KCNQ1OT1: variants seen among roughly 807,000 people sequenced by gnomAD.
KCNQ1OT1 encodes the protein KCNQ1 opposite strand/antisense transcript 1, also known as KCNQ1 antisense RNA 2 (non-protein coding).
rs1430393587 is a variant in KCNQ1OT1 at position 2,663,941 on chromosome 11, G to A, written n.36054C>T. 2 of 398,570 alleles carry A rather than the reference G, an allele frequency of 5.0e-6. No homozygotes were observed. Among genetic ancestry groups the A allele is most frequent in the Non-Finnish European group, 8.8e-6 (2 of 226,110 alleles). The allele number at this position is 398,570 out of a possible 1,614,324, so 24.7% of individuals were successfully genotyped here. ...CTGGGCTGTTTCTTGTTCCACTCCA[G>A]GATGACAGGGCCTGAGAGACCTGAA... is the stretch of plus-strand genomic sequence containing the variant. On this transcript the variant is annotated non_coding_transcript_exon_variant, in exon 1 of 1. Coordinates refer to ENST00000597346, the Ensembl canonical transcript of KCNQ1OT1. This position sits in a 1 kb window ranked among gnomAD's most constrained non-coding sequence, Gnocchi z 5.2.
In KCNQ1OT1 at chr11:2,626,172, T is replaced by C. The variant is rs1589989354; in HGVS notation, n.73823A>G. 2 of 398,602 alleles carry C rather than the reference T, an allele frequency of 5.0e-6. No individual in the cohort carries two copies. Among genetic ancestry groups the C allele is most frequent in the East Asian group, 7.1e-5 (2 of 28,062 alleles). 24.7% of individuals were successfully genotyped at this position (398,602 alleles called of 1,614,324 possible). On this transcript the variant is annotated non_coding_transcript_exon_variant, in exon 1 of 1. Coordinates refer to ENST00000597346, the Ensembl canonical transcript of KCNQ1OT1. The surrounding 1 kb of genome is among the most constrained non-coding windows in gnomAD (Gnocchi z 4.0). ...TGTAAAGTTTTTCCCCTATGTTTCCTTATAAGACTTCATAGTTTTAGGACT... is the reference window on the plus strand; with the variant it reads ...TGTAAAGTTTTTCCCCTATGTTTCCCTATAAGACTTCATAGTTTTAGGACT...
rs1031246786 is a variant in KCNQ1OT1 at position 2,651,912 on chromosome 11, G to A, written n.48083C>T. On this transcript the variant is annotated non_coding_transcript_exon_variant, in exon 1 of 1. Coordinates refer to ENST00000597346, the Ensembl canonical transcript of KCNQ1OT1. This position sits in a 1 kb window ranked among gnomAD's most constrained non-coding sequence, Gnocchi z 6.1. ...CATAGCCGAGGGTCCCTCTGGGGCC[G>A]CTTGCTCTCCTCCTACTCACAGCCC... 12 of 398,636 alleles carry A rather than the reference G, an allele frequency of 3.0e-5. No homozygotes were observed. Among genetic ancestry groups the A allele is most frequent in the South Asian group, 1.3e-4 (1 of 7,864 alleles). The allele number at this position is 398,636 out of a possible 1,614,324, so 24.7% of individuals were successfully genotyped here.
Position 2,682,868 on chromosome 11 carries a change from G to A in KCNQ1OT1, n.17127C>T, listed in dbSNP as rs1285269985. ...TCTCAGTTTTGTAGACCAGGAAACT[G>A]AGGCTTGGGGATAGCAGATGTTCCC... is the stretch of plus-strand genomic sequence containing the variant. On this transcript the variant is annotated non_coding_transcript_exon_variant, in exon 1 of 1. Transcript: ENST00000597346. The surrounding 1 kb of genome is among the most constrained non-coding windows in gnomAD (Gnocchi z 5.8). 1 of 398,508 alleles carries A rather than the reference G, an allele frequency of 2.5e-6. No homozygotes were observed. The highest frequency in any genetic ancestry group is 3.6e-5 in the East Asian group (1 of 28,088). 24.7% of individuals were successfully genotyped at this position (398,508 alleles called of 1,614,324 possible). A position where few individuals can be genotyped will look rare whatever the true frequency, so the allele number is the denominator to read the frequency against.
chr11:2,681,646 C>G (rs1850400242), exon 1 of KCNQ1OT1: 1 of 396,572 alleles, frequency 2.5e-6, no homozygotes, highest in East Asian at 3.6e-5. Flanking sequence ...CTATCTCTCC[C>G]TCTCTCAGGA....
chr11:2,617,663 A>C lies in KCNQ1OT1; in HGVS notation n.82332T>G. The C allele has an allele frequency of 2.5e-6, 1 of 398,458 alleles. No individual in the cohort carries two copies. Among genetic ancestry groups the C allele is most frequent in the Non-Finnish European group, 4.4e-6 (1 of 225,980 alleles). 24.7% of individuals were successfully genotyped at this position (398,458 alleles called of 1,614,324 possible). A position where few individuals can be genotyped will look rare whatever the true frequency, so the allele number is the denominator to read the frequency against. On this transcript the variant is annotated non_coding_transcript_exon_variant, in exon 1 of 1. Coordinates refer to ENST00000597346, the Ensembl canonical transcript of KCNQ1OT1. The surrounding 1 kb of genome is among the most constrained non-coding windows in gnomAD (Gnocchi z 4.6). ...TCTGTTTTTCATTATGACTGCACCA[A>C]TCTACAGTCCCACCAACACTGTACA... is the stretch of plus-strand genomic sequence containing the variant.
Position 2,671,155 on chromosome 11 carries a change from A to G in KCNQ1OT1, n.28840T>C, listed in dbSNP as rs893527529. The stretch of plus-strand genomic sequence containing the variant: ...GGTCCCATGGGAGGCCTGAGGTGCC[A>G]TCTTAGAAATAGGGCCTTGTTAGGA... On this transcript the variant is annotated non_coding_transcript_exon_variant, in exon 1 of 1. Transcript: ENST00000597346. The surrounding 1 kb of genome is among the most constrained non-coding windows in gnomAD (Gnocchi z 4.7). The G allele has an allele frequency of 2.4e-4, 97 of 398,678 alleles. No individual in the cohort carries two copies. The highest frequency in any genetic ancestry group is 1.7e-4 in the Non-Finnish European group (39 of 226,096). The allele number at this position is 398,678 out of a possible 1,614,324, so 24.7% of individuals were successfully genotyped here.
At chr11:2,635,093 A>G (rs190284949) in exon 1 of KCNQ1OT1, 3 of 152,326 alleles carry the variant, frequency 2.0e-5, no homozygotes, top group Admixed American at 1.3e-4. Flanking sequence ...CTTTTATCAG[A>G]TGAGTAGATT....
chr11:2,654,163 C>A lies in KCNQ1OT1; in HGVS notation n.45832G>T. The A allele has an allele frequency of 2.5e-6, 1 of 398,510 alleles. No individual in the cohort carries two copies. The highest frequency in any genetic ancestry group is 4.4e-6 in the Non-Finnish European group (1 of 225,964). 24.7% of individuals were successfully genotyped at this position (398,510 alleles called of 1,614,324 possible). On this transcript the variant is annotated non_coding_transcript_exon_variant, in exon 1 of 1. Coordinates refer to ENST00000597346, the Ensembl canonical transcript of KCNQ1OT1. This position sits in a 1 kb window ranked among gnomAD's most constrained non-coding sequence, Gnocchi z 6.4. ...TCAGGGTCTATGAGCCGGGCATGGG[C>A]AGCTGGCACAGGCTGTGGGGCTGCG...
rs895594771 is a variant in KCNQ1OT1, at chr11:2,687,972, G to T, written n.12023C>A. 2.5e-6 allele frequency: 1 copy of T among 398,776 alleles called. No individual in the cohort carries two copies. The highest frequency in any genetic ancestry group is 4.4e-6 in the Non-Finnish European group (1 of 226,182). The allele number at this position is 398,776 out of a possible 1,614,324, so 24.7% of individuals were successfully genotyped here. On this transcript the variant is annotated non_coding_transcript_exon_variant, in exon 1 of 1. Coordinates refer to ENST00000597346, the Ensembl canonical transcript of KCNQ1OT1. This position sits in a 1 kb window ranked among gnomAD's most constrained non-coding sequence, Gnocchi z 5.0. ...TGGGTCAGCCAGGCCGCTGCTTCCT[G>T]CTTCCCTTTGATGTCTCCTCGTGCG...
rs1420801670 is a variant in KCNQ1OT1, at chr11:2,626,569, C to T, written n.73426G>A. ...TTTTTCAGACATTCTTACTCTGTTG[C>T]CCACGCTGGAGTACAGTGGCATTAT... On this transcript the variant is annotated non_coding_transcript_exon_variant, in exon 1 of 1. Transcript: ENST00000597346. This position sits in a 1 kb window ranked among gnomAD's most constrained non-coding sequence, Gnocchi z 4.0. The T allele has an allele frequency of 2.0e-5, 8 of 398,456 alleles. No homozygotes were observed. The highest frequency in any genetic ancestry group is 4.1e-5 in the African/African-American group (2 of 48,608). 24.7% of individuals were successfully genotyped at this position (398,456 alleles called of 1,614,324 possible).
Position 2,682,946 on chromosome 11 carries a change from G to T in KCNQ1OT1, n.17049C>A. 2 of 398,570 alleles carry T rather than the reference G, an allele frequency of 5.0e-6. No homozygotes were observed. The highest frequency in any genetic ancestry group is 8.8e-6 in the Non-Finnish European group (2 of 226,070). The allele number at this position is 398,570 out of a possible 1,614,324, so 24.7% of individuals were successfully genotyped here. ...GTGCTCAGGTCTGTGTGGAAGAAAG[G>T]ACAGGAGTCCTTCTGCCACCCAGAC... On this transcript the variant is annotated non_coding_transcript_exon_variant, in exon 1 of 1. Coordinates refer to ENST00000597346, the Ensembl canonical transcript of KCNQ1OT1. The surrounding 1 kb of genome is among the most constrained non-coding windows in gnomAD (Gnocchi z 5.8).
In KCNQ1OT1 at chr11:2,658,075, G is replaced by T; in HGVS notation, n.41920C>A. The T allele has an allele frequency of 2.5e-6, 1 of 398,536 alleles. No individual in the cohort carries two copies. The highest frequency in any genetic ancestry group is 4.4e-6 in the Non-Finnish European group (1 of 226,046). The allele number at this position is 398,536 out of a possible 1,614,324, so 24.7% of individuals were successfully genotyped here. A position where few individuals can be genotyped will look rare whatever the true frequency, so the allele number is the denominator to read the frequency against. ...ATAGCCCACACTCAAGGTGGGGAAG[G>T]GAGGGGTTCAACTCTACCTCCTGCA... On this transcript the variant is annotated non_coding_transcript_exon_variant, in exon 1 of 1. Coordinates refer to ENST00000597346, the Ensembl canonical transcript of KCNQ1OT1. The surrounding 1 kb of genome is among the most constrained non-coding windows in gnomAD (Gnocchi z 4.9).
chr11:2,609,832 C>CTTCAGGTTA (rs1848949255), exon 1 of KCNQ1OT1: 2 of 398,010 alleles, frequency 5.0e-6, no homozygotes, highest in African/African-American at 4.1e-5. Flanking sequence ...TATTATAGCA[C>CTTCAGGTTA]TTCAGGTTAC....
rs1278578253 is a variant in KCNQ1OT1, at chr11:2,664,165, G to C, written n.35830C>G. ...TCTCTCAGAGCAGGCTGTTCCAAAA[G>C]TGGCTGCTAGATATGAGCCAGCCTG... is the stretch of plus-strand genomic sequence containing the variant. On this transcript the variant is annotated non_coding_transcript_exon_variant, in exon 1 of 1. Coordinates refer to ENST00000597346, the Ensembl canonical transcript of KCNQ1OT1. This position sits in a 1 kb window ranked among gnomAD's most constrained non-coding sequence, Gnocchi z 5.1. The C allele has an allele frequency of 2.5e-6, 1 of 398,594 alleles. No homozygotes were observed. The highest frequency in any genetic ancestry group is 4.4e-5 in the Admixed American group (1 of 22,702). 24.7% of individuals were successfully genotyped at this position (398,594 alleles called of 1,614,324 possible).
Position 2,669,133 on chromosome 11 carries a change from T to A in KCNQ1OT1, n.30862A>T. 2.5e-6 allele frequency: 1 copy of A among 398,708 alleles called. No individual in the cohort carries two copies. The highest frequency in any genetic ancestry group is 3.6e-5 in the East Asian group (1 of 28,078). 24.7% of individuals were successfully genotyped at this position (398,708 alleles called of 1,614,324 possible). A position where few individuals can be genotyped will look rare whatever the true frequency, so the allele number is the denominator to read the frequency against. On this transcript the variant is annotated non_coding_transcript_exon_variant, in exon 1 of 1. Coordinates refer to ENST00000597346, the Ensembl canonical transcript of KCNQ1OT1. The surrounding 1 kb of genome is among the most constrained non-coding windows in gnomAD (Gnocchi z 5.6). ...CGTGTGGCTCTGTTTCTGGACCCTATTGGGTGCCACTGGTCAGATTCAAGT... is the reference window on the plus strand; with the variant it reads ...CGTGTGGCTCTGTTTCTGGACCCTAATGGGTGCCACTGGTCAGATTCAAGT...
At position 2,647,596 on chromosome 11, in the gene KCNQ1OT1, G is replaced by T; in HGVS notation, n.52399C>A. 2.5e-6 allele frequency: 1 copy of T among 398,508 alleles called. No homozygotes were observed. The allele number at this position is 398,508 out of a possible 1,614,324, so 24.7% of individuals were successfully genotyped here. A position where few individuals can be genotyped will look rare whatever the true frequency, so the allele number is the denominator to read the frequency against. On this transcript the variant is annotated non_coding_transcript_exon_variant, in exon 1 of 1. Coordinates refer to ENST00000597346, the Ensembl canonical transcript of KCNQ1OT1. The surrounding 1 kb of genome is among the most constrained non-coding windows in gnomAD (Gnocchi z 4.0). ...ATTCATGTTAGTTCTTTAAAGGTTT[G>T]GTAGAATTCAGTAGAAAACCCGTGC... is the stretch of plus-strand genomic sequence containing the variant.
exon 1 of KCNQ1OT1, chr11:2,641,141 A>G: frequency 2.5e-6 from 1 of 398,514 alleles, no homozygotes; most frequent in East Asian, 3.6e-5. Context: ...GGATGCAGGT[A>G]CATTTTTAGT....
chr11:2,683,635 C>T lies in KCNQ1OT1; in HGVS notation n.16360G>A. 2 of 398,666 alleles carry T rather than the reference C, an allele frequency of 5.0e-6. No homozygotes were observed. Among genetic ancestry groups the T allele is most frequent in the Non-Finnish European group, 8.8e-6 (2 of 226,072 alleles). 24.7% of individuals were successfully genotyped at this position (398,666 alleles called of 1,614,324 possible). A position where few individuals can be genotyped will look rare whatever the true frequency, so the allele number is the denominator to read the frequency against. On this transcript the variant is annotated non_coding_transcript_exon_variant, in exon 1 of 1. Coordinates refer to ENST00000597346, the Ensembl canonical transcript of KCNQ1OT1. The surrounding 1 kb of genome is among the most constrained non-coding windows in gnomAD (Gnocchi z 4.7). ...TGCTCTAGACAACTGGGCCCTGCAT[C>T]TGCTGCAAGGAACATCCCTTACTTT...
In KCNQ1OT1 at chr11:2,624,150, T is replaced by G. The variant is rs1849223994; in HGVS notation, n.75845A>C. 1 of 398,432 alleles carries G rather than the reference T, an allele frequency of 2.5e-6. No homozygotes were observed. Among genetic ancestry groups the G allele is most frequent in the Non-Finnish European group, 4.4e-6 (1 of 226,030 alleles). 24.7% of individuals were successfully genotyped at this position (398,432 alleles called of 1,614,324 possible). ...ATATATCACATTTCTTGTTTTAATTTCCATTTCCCTAATGACGTAAGATGT... is the reference window on the plus strand; with the variant it reads ...ATATATCACATTTCTTGTTTTAATTGCCATTTCCCTAATGACGTAAGATGT... On this transcript the variant is annotated non_coding_transcript_exon_variant, in exon 1 of 1. Transcript: ENST00000597346. The surrounding 1 kb of genome is among the most constrained non-coding windows in gnomAD (Gnocchi z 4.9).
Sources: allele counts gnomAD v4.1 joint callset, GRCh38; gene constraint gnomAD v4.1.1; non-coding constraint Gnocchi (gnomAD v3.1); transcripts MANE v1.5; gene names NCBI Gene and HGNC (gene_info 2026-07-23, HGNC 2026-07-21).